Variants in LCOR observed in about 807,000 individuals in gnomAD.
The protein encoded by LCOR is ligand dependent nuclear receptor corepressor, also known as ligand-dependent corepressor.
In LCOR, 14 loss-of-function variants were observed where a neutral mutation model predicts 64.4. The ratio of observed to expected loss-of-function variants is 0.22; its 90% CI spans 0.14 to 0.34. LCOR has a LOEUF of 0.34. Ranked by LOEUF, LCOR falls within the 10% of genes least tolerant of loss-of-function variation. LCOR has a pLI of 1.00. For missense variants in LCOR, 1,686 were observed against 1,765.3 expected, an observed-to-expected ratio of 0.96 and a Z score of 0.80; for synonymous variants, 643 against 642.5, an observed-to-expected ratio of 1.00 and a Z score of -0.01.
intron 7 of LCOR, among the ~76,000 whole-genome samples, chr10:96,970,920 T>C (rs1847994152): frequency 6.6e-6 from 1 of 152,098 alleles, no homozygotes; most frequent in African/African-American, 2.4e-5. Context: ...CGCACAGCTC[T>C]AGCCAGCATT....
At chr10:96,892,947 G>A (rs751073154) in intron 2 of LCOR, among the ~76,000 whole-genome samples, 1 of 152,128 alleles carries the variant, frequency 6.6e-6, no homozygotes, top group Non-Finnish European at 1.5e-5. Context: ...CTGATAAGGA[G>A]GAACATTTCC....
Position 96,993,183 on chromosome 10 carries a change from TG to T in LCOR, c.*8050del, listed in dbSNP as rs1287624097. 1 of 152,214 alleles carries T rather than the reference TG, an allele frequency of 6.6e-6. No homozygotes were observed. The highest frequency in any genetic ancestry group is 1.9e-4 in the East Asian group (1 of 5,200). 9.4% of individuals were successfully genotyped at this position (152,214 alleles called of 1,614,324 possible). ...CCTCATTGTGCAGGGCTGGCTGGACTGAGAATTGCAACTCCAGGACAGCAGG... is the reference window on the plus strand; with the variant it reads ...CCTCATTGTGCAGGGCTGGCTGGACTAGAATTGCAACTCCAGGACAGCAGG... On this transcript the variant is annotated 3_prime_UTR_variant, in exon 8 of 8. Transcript: ENST00000421806.
intron 7 of LCOR, among the ~76,000 whole-genome samples, chr10:96,978,118 T>A (rs1848052963): frequency 6.6e-6 from 1 of 152,224 alleles, no homozygotes; most frequent in South Asian, 2.1e-4. Context: ...GACAAAGTTC[T>A]TCCTAAAGGG....
At chr10:96,905,443 G>A (rs1846711143) in intron 2 of LCOR, among the ~76,000 whole-genome samples, 1 of 152,036 alleles carries the variant, frequency 6.6e-6, no homozygotes, top group South Asian at 2.1e-4. Flanking sequence ...TTTTCTTTTG[G>A]GAGGGCAGGT....
chr10:96,938,137 T>C (rs930559702), intron 4 of LCOR, among the ~76,000 whole-genome samples: 1 of 151,972 alleles, frequency 6.6e-6, no homozygotes, highest in African/African-American at 2.4e-5. Context: ...TTTAACTGAT[T>C]TGTAGAGACG....
chr10:96,895,330 C>A (rs1473145644), intron 2 of LCOR, among the ~76,000 whole-genome samples: 1 of 152,130 alleles, frequency 6.6e-6, no homozygotes, highest in South Asian at 2.1e-4. Context: ...GTGTCATTTT[C>A]CCTCACATTC....
intron 2 of LCOR, among the ~76,000 whole-genome samples, chr10:96,905,957 T>G (rs1222450358): frequency 6.6e-6 from 1 of 152,188 alleles, no homozygotes; most frequent in East Asian, 1.9e-4. Flanking sequence ...CTTCTTCTTA[T>G]AGCCAGATAA....
chr10:96,931,452 T>G (rs1309003186), intron 4 of LCOR, among the ~76,000 whole-genome samples: 1 of 152,080 alleles, frequency 6.6e-6, no homozygotes, highest in Admixed American at 6.5e-5. Flanking sequence ...GCCAGGCTGG[T>G]CTCAAACTCC....
Position 96,949,072 on chromosome 10 carries a change from C to A in LCOR, c.15C>A (p.Ile5=), listed in dbSNP as rs769735074. 11 of 1,613,762 alleles carry A rather than the reference C, an allele frequency of 6.8e-6. No homozygotes were observed. The highest frequency in any genetic ancestry group is 4.4e-5 in the South Asian group (4 of 91,076). The change falls in exon 6 of 8, where the codon ATC becomes ATA. Residue 5 remains isoleucine (I), a synonymous_variant. Transcript: ENST00000421806. ...CCCGTGAGATCATGCAGCGAATGAT[C>A]CAACAATTTGCTGCTGAATATACCT... MQRM[I]QQFAAEYTSK...
intron 2 of LCOR, among the ~76,000 whole-genome samples, chr10:96,842,610 T>C (rs1225639443): frequency 6.6e-6 from 1 of 151,760 alleles, no homozygotes; most frequent in East Asian, 1.9e-4. Flanking sequence ...TCTAAAAAGC[T>C]TGCTTTTTTT....
intron 7 of LCOR, among the ~76,000 whole-genome samples, chr10:96,979,881 C>T (rs1848068870): frequency 6.6e-6 from 1 of 152,350 alleles, no homozygotes; most frequent in Non-Finnish European, 1.5e-5. Context: ...CGGCGGCTCA[C>T]GCCTGTAATC....
intron 2 of LCOR, among the ~76,000 whole-genome samples, chr10:96,880,321 T>C (rs1210860066): frequency 6.6e-6 from 1 of 152,248 alleles, no homozygotes; most frequent in African/African-American, 2.4e-5. Flanking sequence ...AACGTGATGA[T>C]AATGGTGGCC....
In LCOR at chr10:96,902,477, C is replaced by T. The variant is rs1846656829; in HGVS notation, c.-329-4788C>T. On this transcript the variant is annotated intron_variant, in intron 2 of 7. Coordinates refer to ENST00000421806, the MANE Select transcript of LCOR (RefSeq NM_001346516.2). ...AAGAGAAGCCTGAATGGTCATTGCT[C>T]ATTATCTATAGAAGTTCATTTGATC... is the stretch of plus-strand genomic sequence containing the variant. Among the ~76,000 whole-genome samples, 4 of 152,162 alleles carry T rather than the reference C, an allele frequency of 2.6e-5. No homozygotes were observed. The South Asian group carries it at 8.3e-4, about 32-fold the overall frequency.
intron 2 of LCOR, among the ~76,000 whole-genome samples, chr10:96,887,709 G>A (rs909550748): frequency 6.7e-6 from 1 of 149,070 alleles, no homozygotes; most frequent in African/African-American, 2.5e-5. Flanking sequence ...TTGAGACGGA[G>A]TTTTACTCTC....
intron 4 of LCOR, among the ~76,000 whole-genome samples, chr10:96,924,299 C>T (rs1847129825): frequency 1.3e-5 from 2 of 152,164 alleles, no homozygotes; most frequent in Admixed American, 1.3e-4. Context: ...ACCTCCTGGG[C>T]TCAAGTCATC....
At chr10:96,898,341 T>C (rs546784747) in intron 2 of LCOR, among the ~76,000 whole-genome samples, 1 of 152,280 alleles carries the variant, frequency 6.6e-6, no homozygotes, top group South Asian at 2.1e-4. Flanking sequence ...CTGATCAGTA[T>C]GGCCAGAGCA....
chr10:96,922,431 T>G (rs967905837), intron 4 of LCOR, among the ~76,000 whole-genome samples: 2 of 152,142 alleles, frequency 1.3e-5, no homozygotes, highest in South Asian at 4.1e-4. Flanking sequence ...TAGTAGAAAG[T>G]CCTATAGGAA....
Position 96,995,700 on chromosome 10 carries a change from T to C in LCOR, c.*10566T>C, listed in dbSNP as rs1343125900. The C allele has an allele frequency of 6.6e-6, 1 of 152,216 alleles. No homozygotes were observed. The highest frequency in any genetic ancestry group is 1.5e-5 in the Non-Finnish European group (1 of 68,040). The allele number at this position is 152,216 out of a possible 1,614,324, so 9.4% of individuals were successfully genotyped here. On this transcript the variant is annotated 3_prime_UTR_variant, in exon 8 of 8. Coordinates refer to ENST00000421806, the MANE Select transcript of LCOR (RefSeq NM_001346516.2). This position sits in a 1 kb window ranked among gnomAD's most constrained non-coding sequence, Gnocchi z 4.2. ...CTTAAATATTGAAATCTTGTAGACTTCTTGTGCTTCTGTGTTTTGCTTTCC... is the reference window on the plus strand; with the variant it reads ...CTTAAATATTGAAATCTTGTAGACTCCTTGTGCTTCTGTGTTTTGCTTTCC...
rs534150208 is a variant in LCOR at position 96,844,920 on chromosome 10, G to A, written c.-330+11441G>A. ...CAAGGAAGTGTGGGGTGGTGGTGGA[G>A]GGGCAAACAGGTTAAAGCAGATTGA... On this transcript the variant is annotated intron_variant, in intron 2 of 7. Transcript: ENST00000421806. Among the ~76,000 whole-genome samples, 19 of 152,218 alleles carry A rather than the reference G, an allele frequency of 1.2e-4. No homozygotes were observed. The East Asian group carries it at 3.7e-3, about 29-fold the overall frequency.
Sources: gnomAD v4.1 joint callset for allele counts (sites outside exome capture counted in the v4.1 genomes callset) on GRCh38, gnomAD v4.1.1 for gene constraint, Gnocchi (gnomAD v3.1) non-coding constraint, MANE v1.5 for transcripts, NCBI Gene and HGNC (gene_info 2026-07-23, HGNC 2026-07-21) for gene names.